The following KAT14 variants were observed in gnomAD, a reference collection of about 807,000 sequenced individuals.
KAT14 encodes lysine acetyltransferase 14, also known as cysteine-rich protein 2-binding protein.
In KAT14, 66 loss-of-function variants were observed where a neutral mutation model predicts 78.4. The ratio of observed to expected loss-of-function variants is 0.84; its 90% confidence interval spans 0.69 to 1.03. The LOEUF is 1.03. Ranked by LOEUF, KAT14 falls within the 50% of genes least tolerant of loss-of-function variation. KAT14 has a pLI of 0.00. For synonymous variants in KAT14, 344 were observed against 359.4 expected, an observed-to-expected ratio of 0.96 and a Z score of 0.48; for missense variants, 870 against 972.5, an observed-to-expected ratio of 0.89 and a Z score of 1.40.
intron 2 of KAT14, among the ~76,000 whole-genome samples, chr20:18,143,615 A>ATTTTTTTTTTTTTTTTTTTTTTT (rs201858697): frequency 3.8e-5 from 4 of 103,998 alleles, no homozygotes; most frequent in Non-Finnish European, 6.0e-5. Context: ...CACCTGGCTA[A>ATTTTTTTTTTTTTTTTTTTTTTT]TTTTTTTTTT....
chr20:18,179,259 TG>T (rs1333054417), intron 7 of KAT14, among the ~76,000 whole-genome samples: 1 of 152,204 alleles, frequency 6.6e-6, no homozygotes, highest in African/African-American at 2.4e-5. Context: ...TCTGCCATTC[TG>T]GGGTCTGAAG....
intron 4 of KAT14, among the ~76,000 whole-genome samples, chr20:18,155,959 C>G (rs1194249900): frequency 6.6e-6 from 1 of 152,142 alleles, no homozygotes; most frequent in Non-Finnish European, 1.5e-5. Flanking sequence ...CAGCATTATT[C>G]ACAATAACTG....
intron 7 of KAT14, among the ~76,000 whole-genome samples, chr20:18,179,763 A>C (rs1389542366): frequency 6.6e-6 from 1 of 152,208 alleles, no homozygotes; most frequent in Non-Finnish European, 1.5e-5. Context: ...TCCTCAAAAA[A>C]TAGGTTTTTC....
chr20:18,187,515 A>G lies in KAT14; in HGVS notation c.*56A>G. 1 of 1,605,006 alleles carries G rather than the reference A, an allele frequency of 6.2e-7. No individual in the cohort carries two copies. On this transcript the variant is annotated 3_prime_UTR_variant, in exon 11 of 11. Transcript: ENST00000688188. ...GCTATTGGAGAACAGGTCTTTGTGG[A>G]GATCTAAAGGCAGTGATTGATTTCA...
chr20:18,167,913 G>A (rs908016033), intron 7 of KAT14, among the ~76,000 whole-genome samples: 1 of 151,538 alleles, frequency 6.6e-6, no homozygotes, highest in African/African-American at 2.4e-5. Flanking sequence ...ACATTTTCAT[G>A]CACTTATCTC....
At chr20:18,174,884 C>T (rs1021061669) in intron 7 of KAT14, among the ~76,000 whole-genome samples, 12 of 151,968 alleles carry the variant, frequency 7.9e-5, no homozygotes, top group Admixed American at 3.9e-4. Flanking sequence ...AGGCTGGTCT[C>T]GAACTCCTGA....
In KAT14 at chr20:18,187,303, C is replaced by T. The variant is rs762490651; in HGVS notation, c.2190C>T (p.Asp730=). 6.2e-6 allele frequency: 10 copies of T among 1,612,306 alleles called. No individual in the cohort carries two copies. Among genetic ancestry groups the T allele is most frequent in the East Asian group, 2.2e-5 (1 of 44,798 alleles). Residue 730 remains aspartate (D), a synonymous_variant, in exon 11 of 11, where the codon GAC becomes GAT. Coordinates refer to ENST00000688188, the MANE Select transcript of KAT14 (RefSeq NM_001392073.1). ...TTTGGCAGACCTGCATGGGCAAGGA[C>T]GTAACCCTTCACGTCTCAGCAAGCA... is the stretch of plus-strand genomic sequence containing the variant. The part of the protein sequence containing the change: ...YHLIQTCMGK[D]VTLHVSASNP...
intron 7 of KAT14, 48 bp downstream of exon 7, chr20:18,162,993 T>C: frequency 1.3e-6 from 2 of 1,586,290 alleles, no homozygotes; most frequent in East Asian, 2.2e-5. Flanking sequence ...GGAGTGGAGG[T>C]GGGGCAGGCA....
At chr20:18,164,604 A>C (rs1600229013) in intron 7 of KAT14, among the ~76,000 whole-genome samples, 1 of 102,058 alleles carries the variant, frequency 9.8e-6, no homozygotes, top group African/African-American at 4.1e-5. Context: ...TCATCTATTC[A>C]CTTGTTCTTG....
rs562392467 is a variant in KAT14, at chr20:18,151,780, G to A, written c.500+838G>A. Reference sequence around the variant, plus strand: ...GCACTTTGGGAGGCCGAGGTGGGTGGATCACCTGAGGTCAGGAGTTCAAGA... The same window carrying A: ...GCACTTTGGGAGGCCGAGGTGGGTGAATCACCTGAGGTCAGGAGTTCAAGA... On this transcript the variant is annotated intron_variant, in intron 4 of 10. Transcript: ENST00000688188. Among the ~76,000 whole-genome samples the A allele has an allele frequency of 2.0e-5, 3 of 151,760 alleles. No individual in the cohort carries two copies. The South Asian group carries it at 6.3e-4, about 32-fold the overall frequency.
At chr20:18,145,489 G>A (rs1349583087) in intron 3 of KAT14, 138 bp downstream of exon 3, 19 of 1,304,902 alleles carry the variant, frequency 1.5e-5, no homozygotes, top group African/African-American at 7.4e-5. Context: ...ATTAGATACC[G>A]AATATGTGGA....
In KAT14 at chr20:18,138,914, G is replaced by A. The variant is rs1275456348; in HGVS notation, c.-454+863G>A. ...TATCAGTGATTCACGACCTTGCTGA[G>A]AACAGGGTCATTGGTGAATTTTCAG... On this transcript the variant is annotated intron_variant, in intron 1 of 10. Transcript: ENST00000688188. Among the ~76,000 whole-genome samples, 3 of 152,336 alleles carry A rather than the reference G, an allele frequency of 2.0e-5. No homozygotes were observed. In the East Asian group the frequency reaches 5.8e-4, roughly 29 times the overall value.
rs746837288 is a variant in KAT14, at chr20:18,162,740, G to A, written c.1463G>A (p.Arg488Gln). Reference protein sequence around the residue: ...PGAVAMTPEARRLKRKLIVRQ... With the variant: ...PGAVAMTPEAQRLKRKLIVRQ... ...GCTGTTGCCATGACTCCGGAAGCTC[G>A]GAGACTGAAACGCAAACTGATTGTC... The change falls in exon 7 of 11, where the codon CGG becomes CAG. Residue 488 changes from arginine to glutamine, a missense_variant. Arg to Gln is a conservative substitution (Grantham distance 43). Coordinates refer to ENST00000688188, the MANE Select transcript of KAT14 (RefSeq NM_001392073.1). 1.5e-5 allele frequency: 24 copies of A among 1,614,098 alleles called. 1 individual carries two copies. The highest frequency in any genetic ancestry group is 5.5e-5 in the South Asian group (5 of 91,088).
At chr20:18,158,475 C>T (rs942678363) in intron 4 of KAT14, among the ~76,000 whole-genome samples, 6 of 152,220 alleles carry the variant, frequency 3.9e-5, no homozygotes, top group Admixed American at 2.0e-4. Flanking sequence ...TTAGGGAACC[C>T]GGATAGTTGG....
chr20:18,147,687 C>A (rs1009708924), intron 3 of KAT14, among the ~76,000 whole-genome samples: 1 of 152,192 alleles, frequency 6.6e-6, no homozygotes, highest in Non-Finnish European at 1.5e-5. Flanking sequence ...CAGGTTCAAG[C>A]AATCCTCCTG....
At chr20:18,138,866 G>A (rs1037724413) in intron 1 of KAT14, among the ~76,000 whole-genome samples, 1 of 152,172 alleles carries the variant, frequency 6.6e-6, no homozygotes, top group Non-Finnish European at 1.5e-5. Context: ...ACAAAGATAA[G>A]GAAACTCCAC....
intron 2 of KAT14, among the ~76,000 whole-genome samples, chr20:18,144,754 T>C (rs752405126): frequency 6.6e-5 from 10 of 152,204 alleles, no homozygotes; most frequent in Admixed American, 3.3e-4. Flanking sequence ...GTGATTCCAA[T>C]GCACTGTGAG....
At position 18,142,859 on chromosome 20, in the gene KAT14, T is replaced by C; in HGVS notation, c.199T>C (p.Ser67Pro). The part of the protein sequence containing the change: ...DSLNSDEGDV[S>P]WMEEQLSYFC... ...CCTCAACAGTGATGAAGGAGACGTG[T>C]CTTGGATGGAGGAGCAGCTGTCCTA... Residue 67 changes from serine (S) to proline (P), a missense_variant, in exon 2 of 11, where the codon TCT (serine) becomes CCT (proline). Ser to Pro is a moderately conservative substitution (Grantham distance 74, BLOSUM62 -1). Coordinates refer to ENST00000688188, the MANE Select transcript of KAT14 (RefSeq NM_001392073.1). The C allele has an allele frequency of 6.2e-7, 1 of 1,614,146 alleles. No homozygotes were observed. The highest frequency in any genetic ancestry group is 8.5e-7 in the Non-Finnish European group (1 of 1,180,004).
At chr20:18,187,092 T>C (rs953196964) in intron 10 of KAT14, among the ~76,000 whole-genome samples, 194 bp from the exon 11 acceptor site, 19 of 152,234 alleles carry the variant, frequency 1.2e-4, no homozygotes, top group African/African-American at 4.3e-4. Flanking sequence ...TTCCTTGGTC[T>C]TGTGAATGTT....
Sources: gnomAD v4.1 joint callset for allele counts (sites outside exome capture counted in the v4.1 genomes callset) on GRCh38, gnomAD v4.1.1 for gene constraint, MANE v1.5 for transcripts, NCBI Gene and HGNC (gene_info 2026-07-23, HGNC 2026-07-21) for gene names.